The following ZNF723 variants were observed in gnomAD, a reference collection of about 807,000 sequenced individuals.
ZNF723 encodes zinc finger protein 723, pseudogene.
Under a neutral mutation model 9.4 loss-of-function variants are expected in ZNF723, and 5 were observed. The observed-to-expected ratio is 0.53, with a 90% CI of 0.28 to 1.12. The LOEUF (loss-of-function observed/expected upper bound fraction) is 1.12, where lower values mean the gene tolerates loss of function less well. Among genes scored for constraint, ZNF723 ranks in the 50% most tolerant of loss-of-function variants. The probability of loss-of-function intolerance (pLI) is 0.10; values close to 1 mark genes in which losing one functional copy is unlikely to be tolerated. For missense variants in ZNF723, 450 were observed against 501.5 expected, an observed-to-expected ratio of 0.90 and a Z score of 0.98; for synonymous variants, 158 against 168.8, an observed-to-expected ratio of 0.94 and a Z score of 0.49.
Position 22,858,371 on chromosome 19 carries a change from T to A in ZNF723, c.1480T>A (p.Ser494Thr). ...ATGTGGCAAAGCCTTTAACAAGTCC[T>A]CAATTCTTAACAGACATAAGATAAT... ...EECGKAFNKS[S>T]ILNRHKIIHT... The change falls in exon 4 of 4, where the codon TCA (serine) becomes ACA (threonine). Residue 494 changes from serine to threonine, a missense_variant. Ser to Thr is a moderately conservative substitution (Grantham distance 58). Coordinates refer to ENST00000600766, the MANE Select transcript of ZNF723 (RefSeq NM_001349726.2). 1 of 895,488 alleles carries A rather than the reference T, an allele frequency of 1.1e-6. No individual in the cohort carries two copies. The allele number at this position is 895,488 out of a possible 1,614,324, so 55.5% of individuals were successfully genotyped here.
chr19:22,824,282 A>C, the ZNF723 span, among the ~76,000 whole-genome samples: 5 of 151,808 alleles, frequency 3.3e-5, no homozygotes, highest in Admixed American at 2.0e-4. Context: ...GGGACCTGCA[A>C]CATGAAAGAC....
chr19:22,858,638 C>A lies in ZNF723; in HGVS notation c.*205C>A. On this transcript the variant is annotated 3_prime_UTR_variant, in exon 4 of 4. Coordinates refer to ENST00000600766, the MANE Select transcript of ZNF723 (RefSeq NM_001349726.2). ...AAAATTAGCCGGGTGTAGTGGTGGGCGCCTGTAATCCCAGCTAGTTGGGAG... is the reference window on the plus strand; with the variant it reads ...AAAATTAGCCGGGTGTAGTGGTGGGAGCCTGTAATCCCAGCTAGTTGGGAG... The A allele has an allele frequency of 2.8e-6, 1 of 359,978 alleles. No individual in the cohort carries two copies. The allele number at this position is 359,978 out of a possible 1,614,324, so 22.3% of individuals were successfully genotyped here. A position where few individuals can be genotyped will look rare whatever the true frequency, so the allele number is the denominator to read the frequency against.
intron 1 of ZNF723, among the ~76,000 whole-genome samples, chr19:22,837,615 A>C (rs915231577): frequency 5.3e-5 from 8 of 152,160 alleles, no homozygotes; most frequent in African/African-American, 1.9e-4. Flanking sequence ...CTGTGATTCC[A>C]GATCTCCTCT....
the ZNF723 span, among the ~76,000 whole-genome samples, chr19:22,812,912 C>G: frequency 6.6e-6 from 1 of 152,100 alleles, no homozygotes; most frequent in East Asian, 1.9e-4. Context: ...ACCATTGAGA[C>G]TGTGACTCTT....
chr19:22,857,140 AG>A lies in ZNF723; in HGVS notation c.250del (p.Asp84ThrfsTer8). 1.0e-6 allele frequency: 1 copy of A among 989,906 alleles called. No homozygotes were observed. Among genetic ancestry groups the A allele is most frequent in the African/African-American group, 1.6e-5 (1 of 62,096 alleles). The allele number at this position is 989,906 out of a possible 1,614,324, so 61.3% of individuals were successfully genotyped here. ...PPVVCSHFAQDLWPEQGIKDS... is the reference protein window; with the variant it reads ...PPVVCSHFAQXLWPEQGIKDS... Reference sequence around the variant, plus strand: ...CAGTTGTGTGTTCTCATTTTGCCCAAGACCTTTGGCCAGAGCAGGGCATAAA... The same window carrying A: ...CAGTTGTGTGTTCTCATTTTGCCCAAACCTTTGGCCAGAGCAGGGCATAAA... On this transcript the variant is annotated frameshift_variant, in exon 4 of 4. Coordinates refer to ENST00000600766, the MANE Select transcript of ZNF723 (RefSeq NM_001349726.2). LOFTEE classifies it low-confidence loss of function (END_TRUNC).
the ZNF723 span, among the ~76,000 whole-genome samples, chr19:22,822,457 C>T: frequency 6.6e-6 from 1 of 152,298 alleles, no homozygotes; most frequent in South Asian, 2.1e-4. Context: ...GGGCAAGGTC[C>T]TGGGCTTTCT....
intron 1 of ZNF723, among the ~76,000 whole-genome samples, chr19:22,845,023 G>A (rs1967290687): frequency 6.6e-6 from 1 of 152,182 alleles, no homozygotes; most frequent in Admixed American, 6.6e-5. Flanking sequence ...GGAGGCTGAG[G>A]CAGGAGAATG....
chr19:22,857,030 G>C (rs1166661345), intron 3 of ZNF723, 88 bp from the exon 4 acceptor site: 2 of 575,146 alleles, frequency 3.5e-6, no homozygotes, highest in Non-Finnish European at 6.1e-6. Context: ...ATCTTATGTA[G>C]TTTGTATAAT....
chr19:22,839,481 T>A (rs1387162391), intron 1 of ZNF723, among the ~76,000 whole-genome samples: 2 of 150,366 alleles, frequency 1.3e-5, no homozygotes, highest in African/African-American at 4.9e-5. Context: ...TTTTTTTTTT[T>A]TTTGAGACAG....
upstream of ZNF723, among the ~76,000 whole-genome samples, chr19:22,829,228 TAAA>T (rs3033423): frequency 9.1e-3 from 1,278 of 140,514 alleles, 19 homozygotes; most frequent in African/African-American, 0.031. Flanking sequence ...TGTTTCTACT[TAAA>T]AAAAAAAAAA....
chr19:22,849,018 G>T (rs1967354936), intron 2 of ZNF723, among the ~76,000 whole-genome samples, 180 bp from the exon 3 acceptor site: 1 of 152,248 alleles, frequency 6.6e-6, no homozygotes, highest in Non-Finnish European at 1.5e-5. Flanking sequence ...GCCTCCCAAA[G>T]TGCTGGGATT....
chr19:22,828,114 A>C (rs1967056955), upstream of ZNF723, among the ~76,000 whole-genome samples: 1 of 152,238 alleles, frequency 6.6e-6, no homozygotes, highest in African/African-American at 2.4e-5. Context: ...TAGTATCCCT[A>C]CTGCACCGTA....
chr19:22,819,085 T>C, the ZNF723 span, among the ~76,000 whole-genome samples: 3 of 152,160 alleles, frequency 2.0e-5, no homozygotes, highest in Non-Finnish European at 2.9e-5. Flanking sequence ...GTAGGGGAGA[T>C]AGTGACATAT....
chr19:22,851,748 TG>T (rs1406098216), intron 3 of ZNF723, among the ~76,000 whole-genome samples: 2 of 148,358 alleles, frequency 1.3e-5, no homozygotes, highest in Non-Finnish European at 3.0e-5. Context: ...ATTTTTGTCT[TG>T]TTTTTGAAGT....
At chr19:22,853,675 G>C (rs922993711) in intron 3 of ZNF723, among the ~76,000 whole-genome samples, 4 of 152,270 alleles carry the variant, frequency 2.6e-5, no homozygotes, top group Admixed American at 6.5e-5. Flanking sequence ...CCAGGCTGGA[G>C]TGCAATGGCC....
the ZNF723 span, among the ~76,000 whole-genome samples, chr19:22,815,298 T>C: frequency 6.6e-6 from 1 of 152,138 alleles, no homozygotes; most frequent in Non-Finnish European, 1.5e-5. Context: ...ATATGTGAGT[T>C]TCCTCTTTTG....
rs2145223875 is a variant in ZNF723, at chr19:22,849,193, A to T, written c.131-5A>T. On this transcript the variant is annotated splice_polypyrimidine_tract_variant and splice_region_variant and intron_variant, in intron 2 of 3. Transcript: ENST00000600766. Reference sequence around the variant, plus strand: ...CATTCATGTTATTTATTTTTAATAAAACAGGTGTTGGTGTCTCTAAGCCAG... The same window carrying T: ...CATTCATGTTATTTATTTTTAATAATACAGGTGTTGGTGTCTCTAAGCCAG... 1.7e-6 allele frequency: 1 copy of T among 580,982 alleles called. No individual in the cohort carries two copies. The highest frequency in any genetic ancestry group is 2.7e-4 in the Middle Eastern group (1 of 3,680). The allele number at this position is 580,982 out of a possible 1,614,324, so 36.0% of individuals were successfully genotyped here.
At chr19:22,829,784 C>G (rs370734), upstream of ZNF723, among the ~76,000 whole-genome samples, 29,945 of 152,018 alleles carry the variant, frequency 0.2, 3,553 homozygotes, top group African/African-American at 0.33. Flanking sequence ...ATAGACTGTA[C>G]CCATTCTTGT....
intron 3 of ZNF723, among the ~76,000 whole-genome samples, chr19:22,851,231 G>A (rs2145226549): frequency 6.6e-6 from 1 of 151,984 alleles, no homozygotes; most frequent in African/African-American, 2.4e-5. Context: ...GAGCGCGGTG[G>A]CACGATCTTG....
Sources: allele counts gnomAD v4.1 joint callset (sites outside exome capture counted in the v4.1 genomes callset), GRCh38; gene constraint gnomAD v4.1.1; transcripts MANE v1.5; gene names NCBI Gene and HGNC (gene_info 2026-07-23, HGNC 2026-07-21).